KCNB2: variants seen among roughly 807,000 people sequenced by gnomAD.
KCNB2 encodes the protein delayed rectifier potassium channel protein.
A neutral mutation model predicts 61.5 loss-of-function variants in KCNB2; 15 were observed. That is an observed-to-expected ratio of 0.24 (90% CI 0.16 to 0.38). The LOEUF (loss-of-function observed/expected upper bound fraction) is 0.38. KCNB2 is among the 10% of genes least tolerant of loss of function. The probability of loss-of-function intolerance (pLI) is 1.00; values close to 1 mark genes in which losing one functional copy is unlikely to be tolerated. For missense variants in KCNB2, 828 were observed against 1,125.2 expected, an observed-to-expected ratio of 0.74 and a Z score of 3.78; for synonymous variants, 457 against 446.0, an observed-to-expected ratio of 1.02 and a Z score of -0.31.
At chr8:72,856,285 C>T (rs1810205938) in intron 2 of KCNB2, among the ~76,000 whole-genome samples, 1 of 152,026 alleles carries the variant, frequency 6.6e-6, no homozygotes, top group South Asian at 2.1e-4. Flanking sequence ...TTTTATACTA[C>T]ATATCATAAA....
chr8:72,717,765 T>G (rs1324937051), intron 2 of KCNB2, among the ~76,000 whole-genome samples: 1 of 152,134 alleles, frequency 6.6e-6, no homozygotes, highest in Non-Finnish European at 1.5e-5. Flanking sequence ...AAGGACTTCA[T>G]GACTAAAACA....
chr8:72,667,775 T>C (rs968069975), intron 2 of KCNB2, among the ~76,000 whole-genome samples: 1 of 152,194 alleles, frequency 6.6e-6, no homozygotes, highest in African/African-American at 2.4e-5. Flanking sequence ...GAAATTATGG[T>C]GATCTTTGGA....
intron 1 of KCNB2, among the ~76,000 whole-genome samples, chr8:72,550,054 G>A (rs1806320639): frequency 6.6e-6 from 1 of 152,004 alleles, no homozygotes; most frequent in African/African-American, 2.4e-5. Context: ...CTCTTCCTCT[G>A]GACACTTCCT....
chr8:72,795,672 A>G (rs1321145603), intron 2 of KCNB2, among the ~76,000 whole-genome samples: 1 of 152,186 alleles, frequency 6.6e-6, no homozygotes, highest in Non-Finnish European at 1.5e-5. Flanking sequence ...CACCCTTCAA[A>G]TGTCCTAAAA....
intron 2 of KCNB2, among the ~76,000 whole-genome samples, chr8:72,765,978 A>G (rs979531338): frequency 1.7e-4 from 26 of 152,208 alleles, no homozygotes; most frequent in African/African-American, 6.3e-4. Flanking sequence ...AGAGACAGAT[A>G]TTTTTCTCTT....
At chr8:72,633,314 G>A (rs1805911737) in intron 2 of KCNB2, among the ~76,000 whole-genome samples, 1 of 152,078 alleles carries the variant, frequency 6.6e-6, no homozygotes, top group Non-Finnish European at 1.5e-5. Flanking sequence ...TCATGCTTCA[G>A]ATCTTCTCAT....
intron 2 of KCNB2, among the ~76,000 whole-genome samples, chr8:72,807,187 T>C (rs1453587513): frequency 6.6e-6 from 1 of 152,196 alleles, no homozygotes; most frequent in Non-Finnish European, 1.5e-5. Flanking sequence ...ATGGCTGTTT[T>C]TGGAAGCTGC....
At position 72,567,742 on chromosome 8, in the gene KCNB2, A is replaced by G; in HGVS notation, c.8A>G (p.Glu3Gly). 3 of 1,554,718 alleles carry G rather than the reference A, an allele frequency of 1.9e-6. No individual in the cohort carries two copies. The highest frequency in any genetic ancestry group is 1.4e-5 in the African/African-American group (1 of 72,602). ...GGCTTTGTCCAGTTCAAAATGGCAGAAAAGGCTCCCCCGGGCTTAAACAGG... is the reference window on the plus strand; with the variant it reads ...GGCTTTGTCCAGTTCAAAATGGCAGGAAAGGCTCCCCCGGGCTTAAACAGG... MA[E>G]KAPPGLNRKT... is the part of the protein sequence containing the mutation. Residue 3 changes from glutamate (E) to glycine (G), a missense_variant, in exon 2 of 3, where the codon GAA (glutamate) becomes GGA (glycine). Around this residue, in one of 4 missense-constraint regions of KCNB2, gnomAD observed 62 missense variants for 54.8 expected, o/e 1.13. Coordinates refer to ENST00000523207, the MANE Select transcript of KCNB2 (RefSeq NM_004770.3).
intron 1 of KCNB2, among the ~76,000 whole-genome samples, chr8:72,551,319 C>A (rs1806341408): frequency 6.6e-6 from 1 of 152,058 alleles, no homozygotes; most frequent in African/African-American, 2.4e-5. Context: ...GGATAAGGTC[C>A]TAAACCTTCA....
intron 2 of KCNB2, chr8:72,751,028 G>A (rs569382252): frequency 5.3e-5 from 8 of 152,222 alleles, no homozygotes; most frequent in Admixed American, 3.3e-4. Context: ...AGAAACTTAA[G>A]AAGGCTACCC....
At chr8:72,544,736 T>G (rs945749048) in intron 1 of KCNB2, among the ~76,000 whole-genome samples, 4 of 152,230 alleles carry the variant, frequency 2.6e-5, no homozygotes, top group Non-Finnish European at 1.5e-5. Context: ...CAGTGGTTAA[T>G]AGAGTGGACA....
intron 2 of KCNB2, among the ~76,000 whole-genome samples, chr8:72,738,534 A>G (rs1807889559): frequency 6.6e-6 from 1 of 152,168 alleles, no homozygotes; most frequent in African/African-American, 2.4e-5. Context: ...GTTTGCGTCT[A>G]TCCTTCAGAG....
intron 2 of KCNB2, among the ~76,000 whole-genome samples, chr8:72,674,254 A>G (rs1806614164): frequency 6.6e-6 from 1 of 152,364 alleles, no homozygotes; most frequent in South Asian, 2.1e-4. Context: ...CTACCTAAAA[A>G]GGTGTTTTTA....
At chr8:72,632,804 C>T (rs904430202) in intron 2 of KCNB2, among the ~76,000 whole-genome samples, 12 of 152,128 alleles carry the variant, frequency 7.9e-5, no homozygotes, top group Non-Finnish European at 1.3e-4. Flanking sequence ...TCATTGCCAC[C>T]TCCAACCCCC....
chr8:72,559,446 G>T (rs995433526), intron 1 of KCNB2, among the ~76,000 whole-genome samples: 7 of 152,084 alleles, frequency 4.6e-5, no homozygotes, highest in Non-Finnish European at 7.4e-5. Context: ...CACCCGGCCA[G>T]TGTTGTGTCT....
At chr8:72,751,863 T>C (rs1214947422) in intron 2 of KCNB2, 1 of 152,132 alleles carries the variant, frequency 6.6e-6, no homozygotes, top group Non-Finnish European at 1.5e-5. Context: ...AAAAGACATA[T>C]TGCCCACCCT....
intron 2 of KCNB2, among the ~76,000 whole-genome samples, chr8:72,887,503 A>G (rs1028140885): frequency 2.0e-5 from 3 of 152,180 alleles, no homozygotes; most frequent in Admixed American, 1.3e-4. Context: ...AGATGGGCCC[A>G]GTCTCTAGCC....
chr8:72,591,377 A>G (rs1341735424), intron 2 of KCNB2, among the ~76,000 whole-genome samples: 1 of 152,156 alleles, frequency 6.6e-6, no homozygotes, highest in Admixed American at 6.5e-5. Flanking sequence ...CAAATATGTA[A>G]ATCAGCCTAA....
chr8:72,857,709 C>T (rs1810229195), intron 2 of KCNB2, among the ~76,000 whole-genome samples: 1 of 152,116 alleles, frequency 6.6e-6, no homozygotes, highest in Non-Finnish European at 1.5e-5. Context: ...TCATTAAACA[C>T]AATAGATCAA....
Sources: allele counts gnomAD v4.1 joint callset (sites outside exome capture counted in the v4.1 genomes callset), GRCh38; gene constraint gnomAD v4.1.1; regional missense constraint gnomAD v4.1.1; transcripts MANE v1.5; gene names NCBI Gene and HGNC (gene_info 2026-07-23, HGNC 2026-07-21).